The following VSX2 variants were observed in gnomAD, a reference collection of about 807,000 sequenced individuals.
VSX2 encodes the protein ceh-10 homeo domain containing homolog.
VSX2 carries 28 observed loss-of-function variants against 32.1 expected under a neutral mutation model. That is an observed-to-expected ratio of 0.87 (90% CI 0.65 to 1.20). The LOEUF (loss-of-function observed/expected upper bound fraction) is 1.20. Among genes scored for constraint, VSX2 ranks in the 50% most tolerant of loss-of-function variants. The probability of loss-of-function intolerance (pLI) is 0.00; values close to 1 mark genes in which losing one functional copy is unlikely to be tolerated. For synonymous variants in VSX2, 243 were observed against 214.1 expected (o/e 1.14, Z -1.18); for missense variants, 506 against 488.7 (o/e 1.04, Z -0.33).
chr14:74,255,011 A>G (rs2139642586), intron 3 of VSX2, among the ~76,000 whole-genome samples: 1 of 151,934 alleles, frequency 6.6e-6, no homozygotes, highest in Admixed American at 6.6e-5. Flanking sequence ...CGATCTCCTG[A>G]CCTTGTGATC....
intron 2 of VSX2, among the ~76,000 whole-genome samples, 176 bp from the exon 3 acceptor site, chr14:74,244,975 TGTGTGTGAGAGAGA>T (rs1158828532): frequency 8.4e-5 from 4 of 47,614 alleles, no homozygotes; most frequent in African/African-American, 1.6e-4. Context: ...TGTGTGTGTG[TGTGTGTGAGAGAGA>T]GAGAGAGAGA....
chr14:74,248,352 C>CAAA (rs1272271068), intron 3 of VSX2, among the ~76,000 whole-genome samples: 7 of 76,832 alleles, frequency 9.1e-5, no homozygotes, highest in East Asian at 3.4e-4. Context: ...AAAAAAAAAA[C>CAAA]AAAAAAAACC....
Position 74,241,069 on chromosome 14 carries a change from C to T in VSX2, c.371-113C>T, listed in dbSNP as rs1594753123. The T allele has an allele frequency of 2.8e-6, 3 of 1,089,824 alleles. No homozygotes were observed. The South Asian group carries it at 3.8e-5, about 14-fold the overall frequency. The allele number at this position is 1,089,824 out of a possible 1,614,324, so 67.5% of individuals were successfully genotyped here. A position where few individuals can be genotyped will look rare whatever the true frequency, so the allele number is the denominator to read the frequency against. ...GGCGCCCGCAGGCTTCCTGGGGAGACAGAGCAGGTCCCCGCCGCTCGCGGA... is the reference window on the plus strand; with the variant it reads ...GGCGCCCGCAGGCTTCCTGGGGAGATAGAGCAGGTCCCCGCCGCTCGCGGA... On this transcript the variant is annotated intron_variant, in intron 1 of 4. Coordinates refer to ENST00000261980, the MANE Select transcript of VSX2 (RefSeq NM_182894.3).
rs571223661 is a variant in VSX2 at position 74,257,819 on chromosome 14, T to C, written c.580-1783T>C. Among the ~76,000 whole-genome samples the C allele has an allele frequency of 1.0e-3, 158 of 151,686 alleles. 1 individual carries two copies. Among genetic ancestry groups the C allele is most frequent in the African/African-American group, 3.7e-3 (151 of 41,356 alleles). On this transcript the variant is annotated intron_variant, in intron 3 of 4. Transcript: ENST00000261980. ...TTAAACAGGTGTCAAAGGCGCCCCA[T>C]ATATCTGCAGATTGAAATCAAATTC...
In VSX2 at chr14:74,239,718, C is replaced by T; in HGVS notation, c.157C>T (p.Leu53Phe). Reference sequence around the variant, plus strand: ...CCCGAGCTCCCACCCGCGGGCAGCGCTCGACGGCCTGGCCCCCGGGCACTT... The same window carrying T: ...CCCGAGCTCCCACCCGCGGGCAGCGTTCGACGGCCTGGCCCCCGGGCACTT... ...EPPSSHPRAA[L>F]DGLAPGHLLA... is the part of the protein sequence containing the mutation. The change falls in exon 1 of 5, where the codon CTC becomes TTC. Residue 53 changes from leucine to phenylalanine, a missense_variant. Leu to Phe is a conservative substitution (Grantham distance 22). Coordinates refer to ENST00000261980, the MANE Select transcript of VSX2 (RefSeq NM_182894.3). 6.5e-7 allele frequency: 1 copy of T among 1,549,390 alleles called. No individual in the cohort carries two copies. Among genetic ancestry groups the T allele is most frequent in the Non-Finnish European group, 8.7e-7 (1 of 1,146,706 alleles).
chr14:74,253,338 A>C (rs2079241838), intron 3 of VSX2, among the ~76,000 whole-genome samples: 1 of 152,228 alleles, frequency 6.6e-6, no homozygotes, highest in Admixed American at 6.5e-5. Flanking sequence ...GGATCAAAGG[A>C]ATATTGTGGG....
At chr14:74,240,239 G>C (rs2079140369) in intron 1 of VSX2, among the ~76,000 whole-genome samples, 1 of 152,194 alleles carries the variant, frequency 6.6e-6, no homozygotes, top group Non-Finnish European at 1.5e-5. Flanking sequence ...GTCGGAGCCC[G>C]TGGTGCAGAG....
intron 2 of VSX2, among the ~76,000 whole-genome samples, chr14:74,242,100 G>T (rs1373744335): frequency 9.1e-6 from 1 of 109,666 alleles, no homozygotes; most frequent in Non-Finnish European, 1.7e-5. Context: ...ACTGCTACCA[G>T]TTCCTTGGGT....
intron 1 of VSX2, 133 bp downstream of exon 1, chr14:74,240,064 C>T: frequency 1.6e-6 from 2 of 1,232,310 alleles, no homozygotes; most frequent in Non-Finnish European, 1.1e-6. Flanking sequence ...GCCGCCTGGG[C>T]CTTGGGCCGA....
intron 1 of VSX2, 89 bp from the exon 2 acceptor site, chr14:74,241,093 G>C: frequency 7.1e-7 from 1 of 1,400,178 alleles, no homozygotes; most frequent in Non-Finnish European, 1.0e-6. Flanking sequence ...GCCGCTCGCG[G>C]AGGCAGCCCG....
chr14:74,239,779 T>G lies in VSX2; in HGVS notation c.218T>G (p.Val73Gly). The change falls in exon 1 of 5, where the codon GTG becomes GGG. Residue 73 changes from valine (V) to glycine (G), a missense_variant. Coordinates refer to ENST00000261980, the MANE Select transcript of VSX2 (RefSeq NM_182894.3). Reference sequence around the variant, plus strand: ...CGCTCAGTGCTCAGCCCCGCGGGGGTGGGCGGCATGGGGCTTCTGGGGCCC... The same window carrying G: ...CGCTCAGTGCTCAGCCCCGCGGGGGGGGGCGGCATGGGGCTTCTGGGGCCC... ...AARSVLSPAG[V>G]GGMGLLGPGG... 6.4e-7 allele frequency: 1 copy of G among 1,557,176 alleles called. No homozygotes were observed. The highest frequency in any genetic ancestry group is 8.7e-7 in the Non-Finnish European group (1 of 1,151,744).
intron 2 of VSX2, 120 bp downstream of exon 2, chr14:74,241,386 G>A (rs2079149328): frequency 2.7e-6 from 3 of 1,124,278 alleles, no homozygotes; most frequent in African/African-American, 1.5e-5. Context: ...CCGAGGCCGT[G>A]CCAGGGCGCA....
intron 1 of VSX2, among the ~76,000 whole-genome samples, chr14:74,240,439 C>T (rs1048175659): frequency 1.1e-4 from 16 of 152,146 alleles, no homozygotes; most frequent in African/African-American, 3.9e-4. Context: ...CTCAGACAAC[C>T]CGGCCATCGC....
chr14:74,241,272 G>A lies in VSX2; in HGVS notation c.455+6G>A. 6.2e-7 allele frequency: 1 copy of A among 1,612,338 alleles called. No homozygotes were observed. The highest frequency in any genetic ancestry group is 1.1e-5 in the South Asian group (1 of 91,088). On this transcript the variant is annotated splice_donor_region_variant and intron_variant, in intron 2 of 4. Transcript: ENST00000261980. ...CGGAAGAAGCGGCGACACAGGTGAG[G>A]CCCCCGCTTTCTGTTACCTCTCCTG...
chr14:74,260,889 C>T lies in VSX2; in HGVS notation c.1056C>T (p.Leu352=), dbSNP rs2139646872. 1 of 1,562,994 alleles carries T rather than the reference C, an allele frequency of 6.4e-7. No homozygotes were observed. The highest frequency in any genetic ancestry group is 8.7e-7 in the Non-Finnish European group (1 of 1,154,486). The change falls in exon 5 of 5, where the codon CTC becomes CTT. Residue 352 remains leucine, a synonymous_variant. Coordinates refer to ENST00000261980, the MANE Select transcript of VSX2 (RefSeq NM_182894.3). The part of the protein sequence containing the change: ...AMDEDRPAER[L]SPPQLEDMA ...ATGAAGACAGGCCGGCGGAGAGGCT[C>T]AGTCCACCGCAGCTGGAGGACATGG...
chr14:74,240,377 G>T (rs1039055463), intron 1 of VSX2, among the ~76,000 whole-genome samples: 3 of 152,162 alleles, frequency 2.0e-5, no homozygotes, highest in African/African-American at 7.2e-5. Context: ...AAAGTTGTCT[G>T]ATTCCCAAAT....
Position 74,260,930 on chromosome 14 carries a change from G to C in VSX2, c.*11G>C, listed in dbSNP as rs140814896. 1 of 1,552,150 alleles carries C rather than the reference G, an allele frequency of 6.4e-7. No individual in the cohort carries two copies. The highest frequency in any genetic ancestry group is 8.7e-7 in the Non-Finnish European group (1 of 1,148,662). ...GAGGACATGGCTTAGGTCAAGGCGC[G>C]CTCAGATGCCGGAGCCCCAAGACTC... On this transcript the variant is annotated 3_prime_UTR_variant, in exon 5 of 5. Transcript: ENST00000261980.
intron 3 of VSX2, among the ~76,000 whole-genome samples, chr14:74,255,455 G>A (rs141120314): frequency 1.2e-4 from 19 of 152,314 alleles, no homozygotes; most frequent in African/African-American, 4.3e-4. Context: ...CCATAACTGA[G>A]GGTCTGGATG....
chr14:74,259,685 C>G lies in VSX2; in HGVS notation c.663C>G (p.Leu221=). The G allele has an allele frequency of 1.2e-6, 2 of 1,614,152 alleles. No individual in the cohort carries two copies. The highest frequency in any genetic ancestry group is 1.7e-6 in the Non-Finnish European group (2 of 1,179,992). Residue 221 remains leucine, a synonymous_variant, in exon 4 of 5, where the codon CTC becomes CTG. Coordinates refer to ENST00000261980, the MANE Select transcript of VSX2 (RefSeq NM_182894.3). The part of the protein sequence containing the change: ...GRSSVMAEYG[L]YGAMVRHSIP... ...GCAGTGTCATGGCGGAGTATGGGCT[C>G]TACGGGGCCATGGTGCGGCACTCCA...
Sources: gnomAD v4.1 joint callset for allele counts (sites outside exome capture counted in the v4.1 genomes callset) on GRCh38, gnomAD v4.1.1 for gene constraint, MANE v1.5 for transcripts, NCBI Gene and HGNC (gene_info 2026-07-23, HGNC 2026-07-21) for gene names.